The following MLLT10 variants were observed in gnomAD, a reference collection of about 807,000 sequenced individuals.
MLLT10 encodes protein AF-10.
Under a neutral mutation model 129.1 loss-of-function variants are expected in MLLT10, and 30 were observed. The observed-to-expected ratio is 0.23, with a 90% confidence interval of 0.17 to 0.32. The LOEUF is 0.32. MLLT10 is among the 10% of genes least tolerant of loss of function. The probability of loss-of-function intolerance (pLI) is 1.00; values close to 1 mark genes in which losing one functional copy is unlikely to be tolerated. For missense variants in MLLT10, 1,119 were observed against 1,268.3 expected (o/e 0.88, Z 1.79); for synonymous variants, 490 against 446.4 (o/e 1.10, Z -1.23).
At position 21,742,315 on chromosome 10, in the gene MLLT10, T is replaced by G. The variant is rs1833783130; in HGVS notation, c.*332T>G. 2 of 272,240 alleles carry G rather than the reference T, an allele frequency of 7.3e-6. No homozygotes were observed. The highest frequency in any genetic ancestry group is 5.3e-5 in the Admixed American group (1 of 18,984). The allele number at this position is 272,240 out of a possible 1,614,324, so 16.9% of individuals were successfully genotyped here. A position where few individuals can be genotyped will look rare whatever the true frequency, so the allele number is the denominator to read the frequency against. On this transcript the variant is annotated 3_prime_UTR_variant, in exon 23 of 23. Coordinates refer to ENST00000307729, the MANE Select transcript of MLLT10 (RefSeq NM_001195626.3). Reference sequence around the variant, plus strand: ...TAGTTGGTACACAACTAGTTTTGTTTATAAATTGGAGATGCAAATAGCAAA... The same window carrying G: ...TAGTTGGTACACAACTAGTTTTGTTGATAAATTGGAGATGCAAATAGCAAA...
intron 4 of MLLT10, among the ~76,000 whole-genome samples, chr10:21,591,790 C>G (rs924815290): frequency 1.3e-5 from 2 of 151,542 alleles, no homozygotes; most frequent in African/African-American, 4.9e-5. Context: ...GTGGCACTAT[C>G]TCGGCTCACT....
At chr10:21,719,956 G>C (rs2057011664) in intron 14 of MLLT10, among the ~76,000 whole-genome samples, 1 of 152,126 alleles carries the variant, frequency 6.6e-6, no homozygotes, top group Non-Finnish European at 1.5e-5. Flanking sequence ...TATATATTCA[G>C]CTGTGGATTA....
intron 3 of MLLT10, among the ~76,000 whole-genome samples, chr10:21,546,308 G>A (rs1360881920): frequency 2.0e-5 from 3 of 151,990 alleles, no homozygotes; most frequent in Admixed American, 1.3e-4. Flanking sequence ...GAACTCCTGG[G>A]CTCTAGTAGT....
At chr10:21,579,806 AC>A (rs2041204281) in intron 3 of MLLT10, among the ~76,000 whole-genome samples, 1 of 151,414 alleles carries the variant, frequency 6.6e-6, no homozygotes. Context: ...CAGGTGACCC[AC>A]CCACCTCGGC....
chr10:21,683,140 G>A (rs2052918131), intron 13 of MLLT10, among the ~76,000 whole-genome samples: 1 of 152,088 alleles, frequency 6.6e-6, no homozygotes, highest in African/African-American at 2.4e-5. Context: ...TTACAGTATC[G>A]ACAGCCAACA....
At chr10:21,740,009 C>CTCACATGT (rs1266560546) in intron 21 of MLLT10, 21 bp from the exon 22 acceptor site, 1 of 1,565,210 alleles carries the variant, frequency 6.4e-7, no homozygotes, top group Non-Finnish European at 8.7e-7. Context: ...CTCATTTTCT[C>CTCACATGT]TCACATGTTT....
At chr10:21,583,697 T>G (rs2041697110) in intron 3 of MLLT10, among the ~76,000 whole-genome samples, 1 of 152,096 alleles carries the variant, frequency 6.6e-6, no homozygotes, top group African/African-American at 2.4e-5. Context: ...AGATCTCACA[T>G]GAGCTAACAA....
intron 4 of MLLT10, 102 bp downstream of exon 4, chr10:21,586,450 G>A (rs1292647435): frequency 1.3e-5 from 12 of 916,258 alleles, no homozygotes; most frequent in African/African-American, 5.1e-5. Context: ...ATTAAACAGC[G>A]TTTTCTACTC....
At chr10:21,687,239 C>T (rs1475963676) in intron 13 of MLLT10, among the ~76,000 whole-genome samples, 2 of 152,148 alleles carry the variant, frequency 1.3e-5, no homozygotes, top group Non-Finnish European at 2.9e-5. Context: ...TGAACATTCT[C>T]CCTCAAGAAC....
In MLLT10 at chr10:21,534,530, C is replaced by A; in HGVS notation, c.-1+10C>A. ...GAGCGGCAAAGCCCGAGTGAGCGAG[C>A]GGTGGGCTGCCGGGCCGGGCGGGGG... On this transcript the variant is annotated intron_variant, in intron 1 of 22. Coordinates refer to ENST00000307729, the MANE Select transcript of MLLT10 (RefSeq NM_001195626.3). The A allele has an allele frequency of 2.3e-6, 2 of 854,146 alleles. No individual in the cohort carries two copies. The highest frequency in any genetic ancestry group is 3.9e-5 in the Admixed American group (1 of 25,600). The allele number at this position is 854,146 out of a possible 1,614,324, so 52.9% of individuals were successfully genotyped here. A position where few individuals can be genotyped will look rare whatever the true frequency, so the allele number is the denominator to read the frequency against.
intron 5 of MLLT10, among the ~76,000 whole-genome samples, chr10:21,609,987 G>A (rs1484009605): frequency 6.6e-6 from 1 of 152,070 alleles, no homozygotes; most frequent in Non-Finnish European, 1.5e-5. Context: ...TCTGTCCTCA[G>A]GCAGAGCTGC....
chr10:21,556,976 T>A lies in MLLT10; in HGVS notation c.240+18064T>A, dbSNP rs74120974. ...TGGAATTAACTACTTGTGTTTCTGA[T>A]GTGGTCTTTTATATTTCTTACAGGG... On this transcript the variant is annotated intron_variant, in intron 3 of 22. Coordinates refer to ENST00000307729, the MANE Select transcript of MLLT10 (RefSeq NM_001195626.3). 1,661 of 1,517,640 alleles carry A rather than the reference T, an allele frequency of 1.1e-3. 14 individuals carry two copies. The African/African-American group carries it at 0.021, about 19-fold the overall frequency. 94.0% of individuals were successfully genotyped at this position (1,517,640 alleles called of 1,614,324 possible).
At chr10:21,629,948 TGA>T (rs2131262452) in intron 8 of MLLT10, among the ~76,000 whole-genome samples, 1 of 152,252 alleles carries the variant, frequency 6.6e-6, no homozygotes, top group African/African-American at 2.4e-5. Flanking sequence ...GACAACAGAA[TGA>T]GACCTCATCT....
At chr10:21,689,546 AATATATATATATATATATGTATATATAT>A (rs1291230304) in intron 13 of MLLT10, among the ~76,000 whole-genome samples, 2 of 108,334 alleles carry the variant, frequency 1.8e-5, no homozygotes, top group African/African-American at 3.3e-5. Context: ...TGTGTAAAGT[AATATATATATATATATATGTATATATAT>A]ATATATATAT....
upstream of MLLT10, among the ~76,000 whole-genome samples, chr10:21,533,877 G>GA (rs1588714422): frequency 6.6e-6 from 1 of 152,310 alleles, no homozygotes; most frequent in South Asian, 2.1e-4. Flanking sequence ...TGCCCCCGGG[G>GA]ACTCCCCTCT....
intron 5 of MLLT10, among the ~76,000 whole-genome samples, chr10:21,597,140 A>T (rs1340223219): frequency 6.6e-6 from 1 of 152,078 alleles, no homozygotes; most frequent in Non-Finnish European, 1.5e-5. Flanking sequence ...CCTTCCCTAA[A>T]CCATTTGAGA....
chr10:21,733,816 A>T lies in MLLT10; in HGVS notation c.2545A>T (p.Thr849Ser), dbSNP rs527517088. 3.1e-6 allele frequency: 5 copies of T among 1,613,876 alleles called. No individual in the cohort carries two copies. The highest frequency in any genetic ancestry group is 3.4e-6 in the Non-Finnish European group (4 of 1,179,974). ...TACCAGCAGCTCATCAGCTCTTTCT[A>T]CCCCACCTCCTGCTGGGCAGAGTCC... ...QSTSSSSALSTPPPAGQSPAQ... is the reference protein window; with the variant it reads ...QSTSSSSALSSPPPAGQSPAQ... Residue 849 changes from threonine to serine, a missense_variant, in exon 20 of 23, where the codon ACC (threonine) becomes TCC (serine). Physicochemically the swap from Thr to Ser is moderately conservative, Grantham distance 58. Coordinates refer to ENST00000307729, the MANE Select transcript of MLLT10 (RefSeq NM_001195626.3).
In MLLT10 at chr10:21,692,648, T is replaced by G. The variant is rs532346489; in HGVS notation, c.1699+10391T>G. Among the ~76,000 whole-genome samples the G allele has an allele frequency of 2.2e-4, 33 of 151,962 alleles. No individual in the cohort carries two copies. The South Asian group carries it at 5.8e-3, about 27-fold the overall frequency. Reference sequence around the variant, plus strand: ...GCACACACCATTACACCCAGTAATTTTTTTTTTTTTCTTTTTCAGTAGAGA... The same window carrying G: ...GCACACACCATTACACCCAGTAATTGTTTTTTTTTTCTTTTTCAGTAGAGA... On this transcript the variant is annotated intron_variant, in intron 13 of 22. Coordinates refer to ENST00000307729, the MANE Select transcript of MLLT10 (RefSeq NM_001195626.3).
chr10:21,586,516 T>G (rs2042000354), intron 4 of MLLT10, among the ~76,000 whole-genome samples, 168 bp downstream of exon 4: 1 of 152,190 alleles, frequency 6.6e-6, no homozygotes, highest in Admixed American at 6.5e-5. Flanking sequence ...ACCCACAATT[T>G]TTCTACTTTG....
Sources: allele counts gnomAD v4.1 joint callset (sites outside exome capture counted in the v4.1 genomes callset), GRCh38; gene constraint gnomAD v4.1.1; transcripts MANE v1.5; gene names NCBI Gene and HGNC (gene_info 2026-07-23, HGNC 2026-07-21).